DLC1: variants seen among roughly 807,000 people sequenced by gnomAD.
DLC1 encodes rho GTPase-activating protein 7.
In DLC1, 54 loss-of-function variants were observed where a neutral mutation model predicts 140.3. The observed-to-expected ratio is 0.38, with a 90% CI of 0.31 to 0.48. The LOEUF is 0.48. Among genes scored for constraint, DLC1 ranks in the 20% least tolerant of loss-of-function variants. The pLI, the probability that DLC1 is intolerant of heterozygous loss-of-function variation, is 0.96. For missense variants in DLC1, 2,536 were observed against 1,907.0 expected (o/e 1.33, Z -6.14); for synonymous variants, 986 against 728.1 (o/e 1.35, Z -5.70).
At chr8:13,201,928 T>A (rs2117070518) in intron 5 of DLC1, among the ~76,000 whole-genome samples, 1 of 121,642 alleles carries the variant, frequency 8.2e-6, no homozygotes, top group East Asian at 2.1e-4. Flanking sequence ...AAGGTTTTTT[T>A]TTTTTTTTTT....
intron 5 of DLC1, among the ~76,000 whole-genome samples, chr8:13,175,935 C>T (rs1323715065): frequency 6.6e-6 from 1 of 152,098 alleles, no homozygotes; most frequent in East Asian, 1.9e-4. Flanking sequence ...ATAATTTTTT[C>T]ATTTACAGAA....
chr8:13,464,766 T>TATATATATATA (rs1563370459), intron 2 of DLC1, among the ~76,000 whole-genome samples: 15 of 7,550 alleles, frequency 2.0e-3, no homozygotes, highest in South Asian at 8.5e-3. Flanking sequence ...ATATATATAT[T>TATATATATATA]TATATATATA....
intron 4 of DLC1, among the ~76,000 whole-genome samples, chr8:13,360,026 G>A (rs1004564758): frequency 6.6e-6 from 1 of 152,188 alleles, no homozygotes; most frequent in African/African-American, 2.4e-5. Flanking sequence ...CCGCATTATA[G>A]TATTTATAAA....
intron 5 of DLC1, among the ~76,000 whole-genome samples, chr8:13,140,834 A>G (rs1431198977): frequency 6.6e-6 from 1 of 152,128 alleles, no homozygotes; most frequent in African/African-American, 2.4e-5. Flanking sequence ...CATTTACTAG[A>G]TAGGGTTTTT....
intron 4 of DLC1, among the ~76,000 whole-genome samples, chr8:13,348,481 A>C (rs1834474821): frequency 6.6e-6 from 1 of 152,204 alleles, no homozygotes; most frequent in South Asian, 2.1e-4. Flanking sequence ...ATGTGTTGGA[A>C]GTAGATTTAG....
chr8:13,463,075 A>AAAAC (rs3988456), intron 2 of DLC1, among the ~76,000 whole-genome samples: 60,861 of 151,402 alleles, frequency 0.4, 12,471 homozygotes, highest in South Asian at 0.46. Flanking sequence ...ATAGTCTTAA[A>AAAAC]AAACAAACAA....
chr8:13,531,544 C>T lies in DLC1; in HGVS notation c.-125-31348G>A, dbSNP rs868075621. ...CAGGTTGCAGTGAGCCAAGATCACA[C>T]CACTGCATTCCAGGCTGGGCGACAG... On this transcript the variant is annotated intron_variant, in intron 1 of 1. Transcript: ENST00000631382. 2.6e-5 allele frequency among the ~76,000 whole-genome samples: 4 copies of T among 152,152 alleles called. No homozygotes were observed. The South Asian group carries it at 8.3e-4, about 32-fold the overall frequency.
chr8:13,162,104 G>A (rs372546058), intron 5 of DLC1, among the ~76,000 whole-genome samples: 2 of 152,160 alleles, frequency 1.3e-5, no homozygotes, highest in African/African-American at 4.8e-5. Flanking sequence ...AGAAAGGTTG[G>A]AAACCACTGC....
intron 2 of DLC1, among the ~76,000 whole-genome samples, chr8:13,433,067 G>A (rs1838958770): frequency 6.6e-6 from 1 of 150,704 alleles, no homozygotes; most frequent in East Asian, 2.0e-4. Flanking sequence ...TGGAAAGAAC[G>A]ATGGAGTAAA....
intron 4 of DLC1, among the ~76,000 whole-genome samples, chr8:13,337,891 A>G (rs1308520747): frequency 6.6e-6 from 1 of 152,176 alleles, no homozygotes; most frequent in African/African-American, 2.4e-5. Context: ...TATAAACTCC[A>G]TGAAAAAAAT....
intron 5 of DLC1, among the ~76,000 whole-genome samples, chr8:13,140,050 C>T (rs1485828432): frequency 6.6e-6 from 1 of 152,128 alleles, no homozygotes; most frequent in East Asian, 1.9e-4. Flanking sequence ...CAATAAACTC[C>T]TCTTTCTCCC....
intron 12 of DLC1, among the ~76,000 whole-genome samples, chr8:13,094,246 G>C (rs1818321647): frequency 6.6e-6 from 1 of 152,198 alleles, no homozygotes; most frequent in Non-Finnish European, 1.5e-5. Flanking sequence ...AGTCATTAGA[G>C]ACTGGGAAAT....
chr8:13,159,354 C>G (rs1001793237), intron 5 of DLC1, among the ~76,000 whole-genome samples: 64 of 152,274 alleles, frequency 4.2e-4, no homozygotes, highest in South Asian at 2.1e-3. Flanking sequence ...GCCAGCCACC[C>G]CAGAGGCTCA....
intron 4 of DLC1, among the ~76,000 whole-genome samples, chr8:13,325,693 C>T (rs1369645500): frequency 1.3e-5 from 2 of 152,120 alleles, no homozygotes; most frequent in Non-Finnish European, 2.9e-5. Flanking sequence ...GAATAAAGAA[C>T]GTTCGGCATT....
intron 1 of DLC1, among the ~76,000 whole-genome samples, chr8:13,599,126 C>A (rs945324467): frequency 1.3e-5 from 2 of 151,590 alleles, no homozygotes; most frequent in Non-Finnish European, 2.9e-5. Context: ...ATTGAAAAAA[C>A]GTCTGCTTAT....
intron 5 of DLC1, among the ~76,000 whole-genome samples, chr8:13,288,583 A>G (rs530113167): frequency 6.6e-6 from 1 of 152,366 alleles, no homozygotes; most frequent in Admixed American, 6.5e-5. Context: ...AAATGTCCAG[A>G]AACTCTTGAG....
chr8:13,417,344 T>A (rs1838112997), intron 2 of DLC1, among the ~76,000 whole-genome samples: 1 of 151,622 alleles, frequency 6.6e-6, no homozygotes, highest in Non-Finnish European at 1.5e-5. Flanking sequence ...TATCTCCTAA[T>A]GCTATCCCTC....
intron 5 of DLC1, among the ~76,000 whole-genome samples, chr8:13,124,633 G>A (rs1219348766): frequency 6.6e-6 from 1 of 152,174 alleles, no homozygotes; most frequent in East Asian, 1.9e-4. Context: ...ACAACTCCAG[G>A]AAAGAATCCA....
chr8:13,540,904 T>A (rs147345291), intron 1 of DLC1, among the ~76,000 whole-genome samples: 1 of 152,342 alleles, frequency 6.6e-6, no homozygotes, highest in Non-Finnish European at 1.5e-5. Flanking sequence ...GTGCTACTAG[T>A]TTTTATATCA....
Sources: allele counts gnomAD v4.1 joint callset (sites outside exome capture counted in the v4.1 genomes callset), GRCh38; gene constraint gnomAD v4.1.1; transcripts MANE v1.5; gene names NCBI Gene and HGNC (gene_info 2026-07-23, HGNC 2026-07-21).